The following GAREM1 variants were observed in gnomAD, a reference collection of about 807,000 sequenced individuals.
GAREM1 encodes the protein GRB2-associated and regulator of MAPK protein 1.
GAREM1 carries 26 observed loss-of-function variants against 71.3 expected under a neutral mutation model. The observed-to-expected ratio is 0.36, with a 90% CI of 0.27 to 0.51. The LOEUF is 0.51. Ranked by LOEUF, GAREM1 falls within the 20% of genes least tolerant of loss-of-function variation. The probability of loss-of-function intolerance (pLI) is 0.95; values close to 1 mark genes in which losing one functional copy is unlikely to be tolerated. For missense variants in GAREM1, 1,026 were observed against 1,103.1 expected (o/e 0.93, Z 0.99); for synonymous variants, 440 against 433.2 (o/e 1.02, Z -0.20).
chr18:32,396,021 G>A (rs192063856), intron 1 of GAREM1, among the ~76,000 whole-genome samples: 13 of 152,330 alleles, frequency 8.5e-5, no homozygotes, highest in African/African-American at 2.9e-4. Context: ...TCGCTGTTCT[G>A]CAGCCTCCAC....
intron 1 of GAREM1, among the ~76,000 whole-genome samples, chr18:32,394,701 G>T (rs543791767): frequency 6.6e-6 from 1 of 152,310 alleles, no homozygotes; most frequent in East Asian, 1.9e-4. Context: ...CCTTAGGGCA[G>T]GAAGGAAAAA....
intron 1 of GAREM1, among the ~76,000 whole-genome samples, chr18:32,395,432 G>A (rs773961948): frequency 7.2e-5 from 11 of 152,294 alleles, no homozygotes; most frequent in East Asian, 3.9e-4. Context: ...AAATTCATTC[G>A]AAGGTGAGAG....
chr18:32,330,485 T>C (rs1488450130), intron 2 of GAREM1, among the ~76,000 whole-genome samples: 1 of 152,134 alleles, frequency 6.6e-6, no homozygotes, highest in African/African-American at 2.4e-5. Flanking sequence ...AACCTGCACA[T>C]GTATCCCCTG....
intron 1 of GAREM1, among the ~76,000 whole-genome samples, chr18:32,413,994 G>C (rs986173502): frequency 3.3e-5 from 5 of 152,070 alleles, no homozygotes; most frequent in African/African-American, 9.7e-5. Flanking sequence ...TCTGAGACAT[G>C]GAATATTTAT....
intron 2 of GAREM1, among the ~76,000 whole-genome samples, chr18:32,351,219 G>C (rs969378354): frequency 2.0e-5 from 3 of 152,132 alleles, no homozygotes; most frequent in Non-Finnish European, 4.4e-5. Flanking sequence ...GGCACCAGAT[G>C]AAACACATCT....
At chr18:32,350,940 GTATGCCCATTTTTAAT>G (rs2047743754) in intron 2 of GAREM1, among the ~76,000 whole-genome samples, 1 of 152,076 alleles carries the variant, frequency 6.6e-6, no homozygotes, top group African/African-American at 2.4e-5. Context: ...TTTTTAAATG[GTATGCCCATTTTTAAT>G]TAGGAAGAGT....
intron 2 of GAREM1, among the ~76,000 whole-genome samples, chr18:32,352,849 A>G (rs978013604): frequency 2.1e-4 from 32 of 151,826 alleles, no homozygotes; most frequent in Admixed American, 5.2e-4. Context: ...AGAAGAGGAA[A>G]CTCCCCAGCT....
chr18:32,414,156 T>C (rs2048445775), intron 1 of GAREM1, among the ~76,000 whole-genome samples: 2 of 152,142 alleles, frequency 1.3e-5, no homozygotes, highest in South Asian at 2.1e-4. Flanking sequence ...TTAAATTACA[T>C]TAAATTGGAA....
chr18:32,384,713 A>G (rs1289403515), intron 2 of GAREM1, among the ~76,000 whole-genome samples: 1 of 152,220 alleles, frequency 6.6e-6, no homozygotes, highest in Non-Finnish European at 1.5e-5. Flanking sequence ...TTCCCTAATC[A>G]TCTCATCATG....
chr18:32,311,311 T>G (rs1427619271), intron 2 of GAREM1, among the ~76,000 whole-genome samples: 1 of 152,184 alleles, frequency 6.6e-6, no homozygotes, highest in East Asian at 1.9e-4. Flanking sequence ...TGGGAAAATC[T>G]CTCAGGCAGA....
At chr18:32,401,817 T>C (rs1054935929) in intron 1 of GAREM1, among the ~76,000 whole-genome samples, 1 of 152,216 alleles carries the variant, frequency 6.6e-6, no homozygotes, top group Non-Finnish European at 1.5e-5. Flanking sequence ...CAGTGGGCTC[T>C]AAAGAGGCAG....
chr18:32,415,365 G>A (rs1479846047), intron 1 of GAREM1, among the ~76,000 whole-genome samples: 2 of 151,980 alleles, frequency 1.3e-5, no homozygotes, highest in African/African-American at 4.8e-5. Flanking sequence ...TACAAGGTCA[G>A]TGTTACCCTG....
intron 1 of GAREM1, among the ~76,000 whole-genome samples, chr18:32,436,463 T>A (rs1219575394): frequency 6.6e-6 from 1 of 152,200 alleles, no homozygotes; most frequent in Non-Finnish European, 1.5e-5. Flanking sequence ...AAAGAAACAC[T>A]TCAAATTAAC....
chr18:32,379,619 C>T (rs1161691261), intron 2 of GAREM1, among the ~76,000 whole-genome samples: 3 of 151,554 alleles, frequency 2.0e-5, no homozygotes, highest in African/African-American at 4.9e-5. Context: ...CAAGGAAAAT[C>T]GCTTGAACCC....
At chr18:32,358,093 C>T (rs896483546) in intron 2 of GAREM1, among the ~76,000 whole-genome samples, 2 of 151,674 alleles carry the variant, frequency 1.3e-5, no homozygotes, top group Admixed American at 1.3e-4. Flanking sequence ...TATCCCCTCC[C>T]TCTCTCTATG....
At chr18:32,273,374 C>T (rs1200168793) in intron 4 of GAREM1, among the ~76,000 whole-genome samples, 1 of 152,152 alleles carries the variant, frequency 6.6e-6, no homozygotes, top group Non-Finnish European at 1.5e-5. Flanking sequence ...GGTTTATAAA[C>T]TCAGAAAAGA....
chr18:32,402,162 A>G (rs924478096), intron 1 of GAREM1, among the ~76,000 whole-genome samples: 1 of 152,206 alleles, frequency 6.6e-6, no homozygotes, highest in Non-Finnish European at 1.5e-5. Context: ...TACTACATAT[A>G]ATGTACTAAA....
intron 1 of GAREM1, among the ~76,000 whole-genome samples, chr18:32,395,710 G>A (rs1412439331): frequency 6.6e-6 from 1 of 152,108 alleles, no homozygotes; most frequent in Non-Finnish European, 1.5e-5. Flanking sequence ...CAAGAGGAAT[G>A]AGAAATGTAG....
chr18:32,343,311 G>GT (rs35086441), intron 2 of GAREM1, among the ~76,000 whole-genome samples: 10,016 of 118,818 alleles, frequency 0.084, 500 homozygotes, highest in Non-Finnish European at 0.096. Context: ...CTCCCCCACT[G>GT]TTTTTTTTTT....
Sources: allele counts gnomAD v4.1 joint callset (sites outside exome capture counted in the v4.1 genomes callset), GRCh38; gene constraint gnomAD v4.1.1; transcripts MANE v1.5; gene names NCBI Gene and HGNC (gene_info 2026-07-23, HGNC 2026-07-21).